The following LAMB2 variants were observed in gnomAD, a reference collection of about 807,000 sequenced individuals.
LAMB2 encodes the protein laminin subunit beta-2.
Under a neutral mutation model 202.7 loss-of-function variants are expected in LAMB2, and 119 were observed. The observed-to-expected ratio is 0.59, with a 90% confidence interval of 0.51 to 0.68. The LOEUF (loss-of-function observed/expected upper bound fraction) is 0.68. Among genes scored for constraint, LAMB2 ranks in the 30% least tolerant of loss-of-function variants. LAMB2 has a pLI of 0.00. For missense variants in LAMB2, 2,124 were observed against 2,410.6 expected, an observed-to-expected ratio of 0.88 and a Z score of 2.49; for synonymous variants, 818 against 902.2, an observed-to-expected ratio of 0.91 and a Z score of 1.67.
chr3:49,128,977 G>C, intron 13 of LAMB2, 43 bp downstream of exon 13: 1 of 1,603,968 alleles, frequency 6.2e-7, no homozygotes, highest in Non-Finnish European at 8.5e-7. Flanking sequence ...TCATAGACGT[G>C]TCCACCCACA....
At position 49,122,001 on chromosome 3, in the gene LAMB2, C is replaced by T. The variant is rs926032096; in HGVS notation, c.4866G>A (p.Gln1622=). Residue 1622 remains glutamine, a synonymous_variant, in exon 29 of 32, where the codon CAG becomes CAA. Coordinates refer to ENST00000305544, the MANE Select transcript of LAMB2 (RefSeq NM_002292.4). ...CAGCCACTGCCCCCCGGATGGCACC[C>T]TGGGCAATACCCTGTGCCCGCTGGG... ...EEAQRAQGIA[Q]GAIRGAVADT... is the part of the protein sequence containing the mutation. 1 of 1,613,896 alleles carries T rather than the reference C, an allele frequency of 6.2e-7. No homozygotes were observed. The highest frequency in any genetic ancestry group is 8.5e-7 in the Non-Finnish European group (1 of 1,180,024).
Position 49,123,734 on chromosome 3 carries a change from T to C in LAMB2, c.3791A>G (p.Glu1264Gly), listed in dbSNP as rs1371769469. 6.2e-7 allele frequency: 1 copy of C among 1,613,418 alleles called. No homozygotes were observed. Among genetic ancestry groups the C allele is most frequent in the Non-Finnish European group, 8.5e-7 (1 of 1,180,020 alleles). The change falls in exon 24 of 32, where the codon GAG becomes GGG. Residue 1264 changes from glutamate (E) to glycine (G), a missense_variant. Physicochemically the swap from Glu to Gly is moderately conservative, Grantham distance 98. Transcript: ENST00000305544. ...STAQLVEATE[E>G]LRREIGEATE... ...TTCTTAGGCCCTTCCGCACCGCAGC[T>C]CCTCTGTGGCCTCCACAAGCTGTGC...
intron 18 of LAMB2, 97 bp downstream of exon 18, chr3:49,125,648 CTT>C (rs2045405700): frequency 1.3e-6 from 2 of 1,529,046 alleles, no homozygotes; most frequent in African/African-American, 1.4e-5. Context: ...GGGTCCAAGA[CTT>C]AGTTTGAGGA....
intron 24 of LAMB2, 28 bp from the exon 25 acceptor site, chr3:49,123,659 G>C (rs769130396): frequency 6.2e-7 from 1 of 1,613,934 alleles, no homozygotes; most frequent in South Asian, 1.1e-5. Flanking sequence ...GGGGTGTTTA[G>C]AGAGGCTTCA....
rs778202235 is a variant in LAMB2 at position 49,124,396 on chromosome 3, T to G, written c.3326A>C (p.Glu1109Ala). The change falls in exon 22 of 32, where the codon GAG becomes GCG. Residue 1109 changes from glutamate to alanine, a missense_variant and splice_region_variant. Glu to Ala is a moderately radical substitution (Grantham distance 107). Around this residue, in one of 3 missense-constraint regions of LAMB2, gnomAD observed 1,702 missense variants for 1,896.3 expected, o/e 0.90. Transcript: ENST00000305544. ...PSRARGPTCNEFTGQCHCRAG... is the reference protein window; with the variant it reads ...PSRARGPTCNAFTGQCHCRAG... Reference sequence around the variant, plus strand: ...GGGATCTGCAGGAGGGTCCCATACCTCGTTGCAGGTGGGGCCTCTGGCCCG... The same window carrying G: ...GGGATCTGCAGGAGGGTCCCATACCGCGTTGCAGGTGGGGCCTCTGGCCCG... The G allele has an allele frequency of 1.9e-6, 3 of 1,613,376 alleles. No individual in the cohort carries two copies. In the South Asian group the frequency reaches 3.3e-5, roughly 18 times the overall value.
At position 49,121,949 on chromosome 3, in the gene LAMB2, A is replaced by G; in HGVS notation, c.4918T>C (p.Tyr1640His). Reference sequence around the variant, plus strand: ...ATGTCCTAGGAAGACCTCACCTGGTACAGGGTCTGCTCTGTGTCCCGTGTG... The same window carrying G: ...ATGTCCTAGGAAGACCTCACCTGGTGCAGGGTCTGCTCTGTGTCCCGTGTG... ...ADTRDTEQTL[Y>H]QVQERMAGAE... is the part of the protein sequence containing the mutation. The change falls in exon 29 of 32, where the codon TAC becomes CAC. Residue 1640 changes from tyrosine (Y) to histidine (H), a missense_variant. Coordinates refer to ENST00000305544, the MANE Select transcript of LAMB2 (RefSeq NM_002292.4). The G allele has an allele frequency of 6.2e-7, 1 of 1,614,032 alleles. No individual in the cohort carries two copies.
Position 49,132,393 on chromosome 3 carries a change from A to C in LAMB2, c.262T>G (p.Cys88Gly). The change falls in exon 3 of 32, where the codon TGC (cysteine) becomes GGC (glycine). Residue 88 changes from cysteine to glycine, a missense_variant. Around this residue, in one of 3 missense-constraint regions of LAMB2, gnomAD observed 166 missense variants for 158.2 expected, o/e 1.05. Transcript: ENST00000305544. This position sits in a 1 kb window ranked among gnomAD's most constrained non-coding sequence, Gnocchi z 4.6. The stretch of plus-strand genomic sequence containing the variant: ...GGGCGCCGGGAGTCACAAAGGAAGC[A>C]CTTCTTTTCGTCCTGGGTTGGATGG... ...IVSHLQDEKK[C>G]FLCDSRRPFS... is the part of the protein sequence containing the mutation. 6.2e-7 allele frequency: 1 copy of C among 1,614,158 alleles called. No homozygotes were observed. Among genetic ancestry groups the C allele is most frequent in the South Asian group, 1.1e-5 (1 of 91,084 alleles).
Position 49,130,263 on chromosome 3 carries a change from G to A in LAMB2, c.1193C>T (p.Thr398Ile), listed in dbSNP as rs77500937. ...CACAGCCGGATCCCGCAGGTCCTTG[G>A]TTGGGTCACGGTAGAAGAAGGGCCG... ...LCRPFFYRDP[T>I]KDLRDPAVCR... Residue 398 changes from threonine (T) to isoleucine (I), a missense_variant, in exon 9 of 32, where the codon ACC becomes ATC. This residue lies in a region of LAMB2 where 1,702 missense variants were observed against 1,896.3 expected (regional missense o/e 0.90). Transcript: ENST00000305544. This position sits in a 1 kb window ranked among gnomAD's most constrained non-coding sequence, Gnocchi z 5.0. 2,162 of 1,614,238 alleles carry A rather than the reference G, an allele frequency of 1.3e-3. 29 individuals carry two copies. The African/African-American group carries it at 0.025, about 19-fold the overall frequency.
chr3:49,126,916 G>A (rs987054568), intron 15 of LAMB2, among the ~76,000 whole-genome samples: 2 of 151,984 alleles, frequency 1.3e-5, no homozygotes, highest in African/African-American at 4.8e-5. Flanking sequence ...ACTCATACTT[G>A]GGTTCTTTTA....
Position 49,123,180 on chromosome 3 carries a change from C to T in LAMB2, c.4176G>A (p.Lys1392=). The change falls in exon 26 of 32, where the codon AAG becomes AAA. Residue 1392 remains lysine, a synonymous_variant. Transcript: ENST00000305544. ...KHMANQRALG[K]LSAHTHTLSL... ...TCAGGGTGTGGGTATGGGCAGAGAG[C>T]TTGCCAAGTGCCCGCTGGTTGGCCA... 1 of 1,613,800 alleles carries T rather than the reference C, an allele frequency of 6.2e-7. No individual in the cohort carries two copies. Among genetic ancestry groups the T allele is most frequent in the Non-Finnish European group, 8.5e-7 (1 of 1,180,018 alleles).
In LAMB2 at chr3:49,122,277, G is replaced by A. The variant is rs774045808; in HGVS notation, c.4667C>T (p.Ala1556Val). 198 of 1,613,462 alleles carry A rather than the reference G, an allele frequency of 1.2e-4. 3 individuals carry two copies. The South Asian group carries it at 2.0e-3, about 17-fold the overall frequency. The change falls in exon 28 of 32, where the codon GCG becomes GTG. Residue 1556 changes from alanine (A) to valine (V), a missense_variant. This residue lies in a region of LAMB2 where 1,702 missense variants were observed against 1,896.3 expected (regional missense o/e 0.90). Transcript: ENST00000305544. ...PASAEQIQHLAGAIAERVRSL... is the reference protein window; with the variant it reads ...PASAEQIQHLVGAIAERVRSL... Reference sequence around the variant, plus strand: ...CCGGACTCGCTCTGCAATCGCACCCGCCAGGTGCTGGATCTGCTCAGCTGA... The same window carrying A: ...CCGGACTCGCTCTGCAATCGCACCCACCAGGTGCTGGATCTGCTCAGCTGA...
In LAMB2 at chr3:49,132,203, C is replaced by G. The variant is rs755894732; in HGVS notation, c.386-14G>C. ...CCGCAGGGATACCTGGGACAGGAAT[C>G]GGAAGTCAAGGACTCAAAGCTACTG... On this transcript the variant is annotated splice_polypyrimidine_tract_variant and intron_variant, in intron 3 of 31. Transcript: ENST00000305544. This position sits in a 1 kb window ranked among gnomAD's most constrained non-coding sequence, Gnocchi z 4.6. 4.3e-6 allele frequency: 7 copies of G among 1,614,158 alleles called. No homozygotes were observed. The South Asian group carries it at 7.7e-5, about 18-fold the overall frequency.
Position 49,132,196 on chromosome 3 carries a change from C to T in LAMB2, c.386-7G>A. On this transcript the variant is annotated splice_polypyrimidine_tract_variant and splice_region_variant and intron_variant, in intron 3 of 31. Coordinates refer to ENST00000305544, the MANE Select transcript of LAMB2 (RefSeq NM_002292.4). The surrounding 1 kb of genome is among the most constrained non-coding windows in gnomAD (Gnocchi z 4.6). ...ATGGTGACCGCAGGGATACCTGGGA[C>T]AGGAATCGGAAGTCAAGGACTCAAA... 1 of 1,614,182 alleles carries T rather than the reference C, an allele frequency of 6.2e-7. No individual in the cohort carries two copies.
In LAMB2 at chr3:49,124,818, C is replaced by G. The variant is rs1444271640; in HGVS notation, c.2992G>C (p.Asp998His). Residue 998 changes from aspartate to histidine, a missense_variant, in exon 21 of 32, where the codon GAT (aspartate) becomes CAT (histidine). Around this residue, in one of 3 missense-constraint regions of LAMB2, gnomAD observed 1,702 missense variants for 1,896.3 expected, o/e 0.90. Transcript: ENST00000305544. ...TGCCCCGTGTGGGGGTCACAGGCAT[C>G]AGGATCCATTGGGTCAATGTTCCCA... is the stretch of plus-strand genomic sequence containing the variant. Reference protein sequence around the residue: ...CSGNIDPMDPDACDPHTGQCL... With the variant: ...CSGNIDPMDPHACDPHTGQCL... 1 of 1,614,174 alleles carries G rather than the reference C, an allele frequency of 6.2e-7. No homozygotes were observed. Among genetic ancestry groups the G allele is most frequent in the South Asian group, 1.1e-5 (1 of 91,088 alleles).
Position 49,124,495 on chromosome 3 carries a change from C to G in LAMB2, c.3227G>C (p.Cys1076Ser). Residue 1076 changes from cysteine to serine, a missense_variant, in exon 22 of 32, where the codon TGT becomes TCT. Coordinates refer to ENST00000305544, the MANE Select transcript of LAMB2 (RefSeq NM_002292.4). The part of the protein sequence containing the change: ...PCLPNVQGPS[C>S]DRCAPNFWNL... ...CCAGAAGTTGGGGGCACAGCGGTCA[C>G]AGCTAGGGCCCTGGACATTGGGGAG... is the stretch of plus-strand genomic sequence containing the variant. 6.2e-7 allele frequency: 1 copy of G among 1,613,816 alleles called. No homozygotes were observed. Among genetic ancestry groups the G allele is most frequent in the Non-Finnish European group, 8.5e-7 (1 of 1,180,042 alleles).
Position 49,125,955 on chromosome 3 carries a change from A to G in LAMB2, c.2344+12T>C, listed in dbSNP as rs2045409142. On this transcript the variant is annotated intron_variant, in intron 17 of 31. Transcript: ENST00000305544. ...CACCTCTGCCCCATCAACCCACATCACAGACACTCACGCAGGGCACCATTG... is the reference window on the plus strand; with the variant it reads ...CACCTCTGCCCCATCAACCCACATCGCAGACACTCACGCAGGGCACCATTG... 1 of 1,613,978 alleles carries G rather than the reference A, an allele frequency of 6.2e-7. No individual in the cohort carries two copies. Among genetic ancestry groups the G allele is most frequent in the Non-Finnish European group, 8.5e-7 (1 of 1,180,016 alleles).
chr3:49,123,456 T>G lies in LAMB2; in HGVS notation c.3973A>C (p.Asn1325His). ...TTGGCTAACAACTCACCCAGGAAGT[T>G]TGAATGTTTGAGCAAGTCAAGATGC... ...DQHLDLLKHS[N>H]FLGAYDSIRH... Residue 1325 changes from asparagine to histidine, a missense_variant, in exon 25 of 32, where the codon AAC becomes CAC. Around this residue, in one of 3 missense-constraint regions of LAMB2, gnomAD observed 1,702 missense variants for 1,896.3 expected, o/e 0.90. Coordinates refer to ENST00000305544, the MANE Select transcript of LAMB2 (RefSeq NM_002292.4). 1 of 1,614,076 alleles carries G rather than the reference T, an allele frequency of 6.2e-7. No homozygotes were observed. The highest frequency in any genetic ancestry group is 8.5e-7 in the Non-Finnish European group (1 of 1,180,030).
rs759343761 is a variant in LAMB2 at position 49,121,986 on chromosome 3, C to G, written c.4881G>C (p.Gly1627=). 1 of 1,613,954 alleles carries G rather than the reference C, an allele frequency of 6.2e-7. No individual in the cohort carries two copies. The highest frequency in any genetic ancestry group is 1.1e-5 in the South Asian group (1 of 91,086). The change falls in exon 29 of 32, where the codon GGG becomes GGC. Residue 1627 remains glycine, a synonymous_variant. Transcript: ENST00000305544. ...AQGIAQGAIR[G]AVADTRDTEQ... Reference sequence around the variant, plus strand: ...CTGTGTCCCGTGTGTCAGCCACTGCCCCCCGGATGGCACCCTGGGCAATAC... The same window carrying G: ...CTGTGTCCCGTGTGTCAGCCACTGCGCCCCGGATGGCACCCTGGGCAATAC...
chr3:49,128,926 A>G lies in LAMB2; in HGVS notation c.1731+94T>C, dbSNP rs1310079481. On this transcript the variant is annotated intron_variant, in intron 13 of 31. Transcript: ENST00000305544. ...CCTGCCAAAGCTAGATATCACCCCTATCCCCTCAACAAGGTACTGCCCATA... is the reference window on the plus strand; with the variant it reads ...CCTGCCAAAGCTAGATATCACCCCTGTCCCCTCAACAAGGTACTGCCCATA... 9 of 1,598,952 alleles carry G rather than the reference A, an allele frequency of 5.6e-6. No individual in the cohort carries two copies. The South Asian group carries it at 9.9e-5, about 18-fold the overall frequency.
Sources: gnomAD v4.1 joint callset for allele counts (sites outside exome capture counted in the v4.1 genomes callset) on GRCh38, gnomAD v4.1.1 for gene constraint, gnomAD v4.1.1 regional missense constraint, Gnocchi (gnomAD v3.1) non-coding constraint, MANE v1.5 for transcripts, NCBI Gene and HGNC (gene_info 2026-07-23, HGNC 2026-07-21) for gene names.